Variants in DUXA observed in about 807,000 individuals in gnomAD.
The protein encoded by DUXA is double homeobox protein A.
DUXA carries 25 observed loss-of-function variants against 27.5 expected under a neutral mutation model. That is an observed-to-expected ratio of 0.91 (90% CI 0.66 to 1.27). The LOEUF is 1.27. DUXA is among the 50% of genes most tolerant of loss of function. DUXA has a pLI of 0.00. For synonymous variants in DUXA, 90 were observed against 80.5 expected, an observed-to-expected ratio of 1.12 and a Z score of -0.63; for missense variants, 247 against 242.9, an observed-to-expected ratio of 1.02 and a Z score of -0.11.
intron 1 of DUXA, among the ~76,000 whole-genome samples, chr19:57,162,493 A>G (rs1568464613): frequency 6.6e-6 from 1 of 152,354 alleles, no homozygotes; most frequent in East Asian, 1.9e-4. Flanking sequence ...AAGTTCAGTT[A>G]AAAGACCAAC....
chr19:57,157,280 C>T (rs2086997383), intron 4 of DUXA, among the ~76,000 whole-genome samples: 2 of 152,130 alleles, frequency 1.3e-5, no homozygotes, highest in Non-Finnish European at 2.9e-5. Context: ...AATGAATCCT[C>T]GGACAGACTG....
chr19:57,155,211 A>C, intron 5 of DUXA, 56 bp downstream of exon 5: 2 of 1,502,602 alleles, frequency 1.3e-6, no homozygotes, highest in Non-Finnish European at 1.9e-6. Flanking sequence ...ATGACGAAGC[A>C]CTGGACATCC....
chr19:57,158,705 C>T (rs533961092), intron 3 of DUXA, among the ~76,000 whole-genome samples: 27 of 152,200 alleles, frequency 1.8e-4, no homozygotes, highest in Admixed American at 1.4e-3. Context: ...GGCAAGAGGC[C>T]GGGCGCGGTG....
intron 3 of DUXA, 78 bp from the exon 4 acceptor site, chr19:57,158,551 C>T: frequency 6.5e-7 from 1 of 1,535,680 alleles, no homozygotes; most frequent in South Asian, 1.2e-5. Flanking sequence ...AAACACAGAA[C>T]CCAAACTTGT....
chr19:57,155,646 A>AAGATAGATAGATAGAT (rs35512413), intron 4 of DUXA, among the ~76,000 whole-genome samples: 29,244 of 143,890 alleles, frequency 0.2, 3,969 homozygotes, highest in African/African-American at 0.35. Context: ...TGCCCAACCC[A>AAGATAGATAGATAGAT]AGATAGATAG....
At chr19:57,155,475 C>G (rs1172503751) in intron 4 of DUXA, 103 bp from the exon 5 acceptor site, 1 of 863,824 alleles carries the variant, frequency 1.2e-6, no homozygotes, top group Non-Finnish European at 1.8e-6. Flanking sequence ...AGACAGCGGT[C>G]TCTCTCAGAG....
chr19:57,155,310 G>A lies in DUXA; in HGVS notation c.501C>T (p.Ser167=), dbSNP rs745507201. 3.1e-6 allele frequency: 5 copies of A among 1,614,192 alleles called. No homozygotes were observed. In the South Asian group the frequency reaches 5.5e-5, roughly 18 times the overall value. The change falls in exon 5 of 6, where the codon TCC becomes TCT. Residue 167 remains serine (S), a synonymous_variant. Coordinates refer to ENST00000554048, the MANE Select transcript of DUXA (RefSeq NM_001012729.2). ...LLQRKREPVA[S]LEQEEQGKIP... is the part of the protein sequence containing the mutation. ...TCTTGCCCTGCTCTTCTTGTTCTAA[G>A]GACGCCACAGGTTCCCTTTTTCTCT...
rs977703057 is a variant in DUXA, at chr19:57,160,814, A to T, written c.26-17T>A. ...TTACCATCTCTGTAGGAAGATTACA[A>T]AAGAAGAAGCATGTAATAGGTTAAT... On this transcript the variant is annotated splice_polypyrimidine_tract_variant and intron_variant, in intron 1 of 5. Coordinates refer to ENST00000554048, the MANE Select transcript of DUXA (RefSeq NM_001012729.2). The T allele has an allele frequency of 1.4e-5, 23 of 1,612,832 alleles. No homozygotes were observed. The highest frequency in any genetic ancestry group is 1.9e-5 in the Non-Finnish European group (23 of 1,179,776).
chr19:57,158,617 GT>G, intron 3 of DUXA, 144 bp from the exon 4 acceptor site: 1 of 1,030,578 alleles, frequency 9.7e-7, no homozygotes, highest in Non-Finnish European at 1.4e-6. Context: ...CTTGTCCCAG[GT>G]TCCTTCCAGG....
intron 5 of DUXA, among the ~76,000 whole-genome samples, 174 bp from the exon 6 acceptor site, chr19:57,154,656 C>T (rs1440554114): frequency 6.6e-6 from 1 of 151,782 alleles, no homozygotes; most frequent in African/African-American, 2.4e-5. Flanking sequence ...CTCCGCCTCC[C>T]GGGTTCACGC....
intron 1 of DUXA, among the ~76,000 whole-genome samples, chr19:57,165,786 G>A (rs1169277370): frequency 7.9e-6 from 1 of 126,358 alleles, no homozygotes; most frequent in Middle Eastern, 6.6e-3. Flanking sequence ...GCCTGGGCGA[G>A]AGAGTGAGAC....
chr19:57,158,593 C>T (rs2087004372), intron 3 of DUXA, 120 bp from the exon 4 acceptor site: 2 of 1,222,216 alleles, frequency 1.6e-6, no homozygotes, highest in South Asian at 1.6e-5. Context: ...CCCACTGACT[C>T]CTCCTGAGAG....
Position 57,165,317 on chromosome 19 carries a change from AAAAAAAAAT to A in DUXA, c.25+2093_25+2101del, listed in dbSNP as rs1350084157. On this transcript the variant is annotated intron_variant, in intron 1 of 5. Coordinates refer to ENST00000554048, the MANE Select transcript of DUXA (RefSeq NM_001012729.2). ...CTACATTTCTGGAGTAGGAAAAAAAAAAAAAAAATATATATATATATATATATGTATATA... is the reference window on the plus strand; with the variant it reads ...CTACATTTCTGGAGTAGGAAAAAAAAATATATATATATATATATGTATATA... Among the ~76,000 whole-genome samples the A allele has an allele frequency of 5.2e-3, 597 of 113,890 alleles. 3 individuals carry two copies. Among genetic ancestry groups the A allele is most frequent in the Non-Finnish European group, 9.1e-3 (479 of 52,640 alleles). 74.7% of individuals were successfully genotyped at this position (113,890 alleles called of 152,430 possible). A position where few individuals can be genotyped will look rare whatever the true frequency, so the allele number is the denominator to read the frequency against.
chr19:57,158,450 TA>T lies in DUXA; in HGVS notation c.315del (p.Thr106ProfsTer16). 6 of 1,613,686 alleles carry T rather than the reference TA, an allele frequency of 3.7e-6. No individual in the cohort carries two copies. Among genetic ancestry groups the T allele is most frequent in the Non-Finnish European group, 4.2e-6 (5 of 1,179,662 alleles). Reference sequence around the variant, plus strand: ...TGTAACTGAGAGGCGCTGTAGGTGGTACGACACCGTCTGGCTTCTCTACCTA... The same window carrying T: ...TGTAACTGAGAGGCGCTGTAGGTGGTCGACACCGTCTGGCTTCTCTACCTA... ...EFQSREARRCRTTYSASQLHT... is the reference protein window; with the variant it reads ...EFQSREARRCXTTYSASQLHT... On this transcript the variant is annotated frameshift_variant, in exon 4 of 6. Transcript: ENST00000554048. LOFTEE classifies it high-confidence loss of function.
intron 3 of DUXA, 37 bp from the exon 4 acceptor site, chr19:57,158,510 A>G (rs1482869185): frequency 6.2e-7 from 1 of 1,606,424 alleles, no homozygotes; most frequent in Admixed American, 1.7e-5. Flanking sequence ...GGGGCGGTCA[A>G]GGAATATTGC....
chr19:57,166,846 A>G (rs921546396), intron 1 of DUXA, among the ~76,000 whole-genome samples: 1 of 152,154 alleles, frequency 6.6e-6, no homozygotes, highest in African/African-American at 2.4e-5. Context: ...TGTTTTCTAG[A>G]TATGAGGCAT....
chr19:57,161,633 C>A (rs1342024831), intron 1 of DUXA, among the ~76,000 whole-genome samples: 7 of 147,034 alleles, frequency 4.8e-5, no homozygotes, highest in South Asian at 2.2e-4. Flanking sequence ...AAAAAAAAAA[C>A]AAAATGAAGT....
At position 57,155,341 on chromosome 19, in the gene DUXA, A is replaced by G. The variant is rs1346079184; in HGVS notation, c.470T>C (p.Leu157Pro). ...IWFQNRRSRL[L>P]LQRKREPVAS... ...CACAGGTTCCCTTTTTCTCTGGAGA[A>G]GTAATCTAGATCTTCGATTTTGGAA... is the stretch of plus-strand genomic sequence containing the variant. The change falls in exon 5 of 6, where the codon CTT becomes CCT. Residue 157 changes from leucine to proline, a missense_variant. Leu to Pro is a moderately conservative substitution (Grantham distance 98). Coordinates refer to ENST00000554048, the MANE Select transcript of DUXA (RefSeq NM_001012729.2). The G allele has an allele frequency of 1.9e-6, 3 of 1,614,214 alleles. No individual in the cohort carries two copies. Among genetic ancestry groups the G allele is most frequent in the Non-Finnish European group, 1.7e-6 (2 of 1,180,026 alleles).
chr19:57,159,087 A>T, intron 3 of DUXA, 80 bp downstream of exon 3: 1 of 1,227,604 alleles, frequency 8.1e-7, no homozygotes, highest in Non-Finnish European at 1.2e-6. Flanking sequence ...ATCAGGGAGG[A>T]GACATTCTTT....
Sources: allele counts gnomAD v4.1 joint callset (sites outside exome capture counted in the v4.1 genomes callset), GRCh38; gene constraint gnomAD v4.1.1; transcripts MANE v1.5; gene names NCBI Gene and HGNC (gene_info 2026-07-23, HGNC 2026-07-21).